Variants in NAALADL2 observed in about 807,000 individuals in gnomAD.
NAALADL2 encodes the protein N-acetylated alpha-linked acidic dipeptidase like 2.
NAALADL2 carries 76 observed loss-of-function variants against 87.2 expected under a neutral mutation model. That is an observed-to-expected ratio of 0.87 (90% CI 0.72 to 1.05). The LOEUF is 1.05. Ranked by LOEUF, NAALADL2 falls within the 50% of genes least tolerant of loss-of-function variation. The pLI is 0.00. For synonymous variants in NAALADL2, 354 were observed against 331.0 expected, an observed-to-expected ratio of 1.07 and a Z score of -0.75; for missense variants, 1,089 against 945.8, an observed-to-expected ratio of 1.15 and a Z score of -1.99.
intron 1 of NAALADL2, among the ~76,000 whole-genome samples, chr3:174,478,518 C>T (rs1379742867): frequency 2.0e-5 from 3 of 151,900 alleles, no homozygotes; most frequent in African/African-American, 7.3e-5. Flanking sequence ...ATTTCTCCCC[C>T]TAATTCTATA....
At chr3:175,112,982 A>C (rs1256668293) in intron 2 of NAALADL2, among the ~76,000 whole-genome samples, 1 of 151,674 alleles carries the variant, frequency 6.6e-6, no homozygotes, top group Non-Finnish European at 1.5e-5. Flanking sequence ...CATGGAGGTA[A>C]GAAAGCACAG....
intron 13 of NAALADL2, among the ~76,000 whole-genome samples, chr3:175,778,690 GGT>G (rs1343566830): frequency 6.6e-6 from 1 of 152,116 alleles, no homozygotes; most frequent in Non-Finnish European, 1.5e-5. Flanking sequence ...AAAAACTCTA[GGT>G]TGTAAGGACT....
intron 1 of NAALADL2, among the ~76,000 whole-genome samples, chr3:174,460,959 C>A (rs2108291561): frequency 6.6e-6 from 1 of 152,062 alleles, no homozygotes; most frequent in East Asian, 1.9e-4. Context: ...ATCTGAAAAA[C>A]CCCTTGTTCC....
intron 2 of NAALADL2, among the ~76,000 whole-genome samples, chr3:175,168,097 G>A (rs1734247312): frequency 6.6e-6 from 1 of 151,816 alleles, no homozygotes; most frequent in Non-Finnish European, 1.5e-5. Context: ...ATATGTGGGG[G>A]AAACAAGGTT....
chr3:175,704,282 TC>T (rs1739371653), intron 11 of NAALADL2, among the ~76,000 whole-genome samples: 1 of 152,150 alleles, frequency 6.6e-6, no homozygotes, highest in African/African-American at 2.4e-5. Flanking sequence ...GCTTCCTTTT[TC>T]CTCTGTCATT....
intron 13 of NAALADL2, among the ~76,000 whole-genome samples, chr3:175,780,604 A>G (rs1479318676): frequency 2.6e-5 from 4 of 152,196 alleles, no homozygotes; most frequent in Non-Finnish European, 5.9e-5. Context: ...GTTTATCCTC[A>G]AAGCCTTTAT....
At chr3:174,998,038 G>A (rs1747755453) in intron 1 of NAALADL2, among the ~76,000 whole-genome samples, 1 of 152,112 alleles carries the variant, frequency 6.6e-6, no homozygotes, top group Non-Finnish European at 1.5e-5. Context: ...GCATTATCCT[G>A]ACACTTCTTT....
intron 3 of NAALADL2, among the ~76,000 whole-genome samples, chr3:174,751,584 G>A (rs1478017122): frequency 1.3e-5 from 2 of 150,802 alleles, no homozygotes; most frequent in African/African-American, 4.9e-5. Flanking sequence ...AATTGCTTGA[G>A]CCCGGGAGAC....
At chr3:174,836,178 A>G (rs1021713514) in intron 3 of NAALADL2, among the ~76,000 whole-genome samples, 1 of 152,212 alleles carries the variant, frequency 6.6e-6, no homozygotes, top group African/African-American at 2.4e-5. Context: ...ATTCTGAAAC[A>G]TGCTGCAACA....
intron 5 of NAALADL2, among the ~76,000 whole-genome samples, chr3:175,444,778 G>C (rs1720420754): frequency 6.6e-6 from 1 of 152,100 alleles, no homozygotes; most frequent in Admixed American, 6.6e-5. Flanking sequence ...CTATATAAGG[G>C]AGCAATGAAA....
intron 7 of NAALADL2, 130 bp downstream of exon 7, chr3:175,463,623 G>T: frequency 2.3e-6 from 1 of 439,608 alleles, no homozygotes; most frequent in Non-Finnish European, 3.9e-6. Flanking sequence ...CACTCTTAGA[G>T]TAGATAAATT....
At chr3:175,611,389 GT>G (rs1329896635) in intron 10 of NAALADL2, among the ~76,000 whole-genome samples, 6 of 152,036 alleles carry the variant, frequency 3.9e-5, no homozygotes, top group Admixed American at 2.6e-4. Flanking sequence ...AAAAGAAACA[GT>G]TTTTCTATTT....
At chr3:174,649,931 A>G (rs2108752604) in intron 2 of NAALADL2, among the ~76,000 whole-genome samples, 1 of 152,256 alleles carries the variant, frequency 6.6e-6, no homozygotes, top group African/African-American at 2.4e-5. Flanking sequence ...ACAACAAAGC[A>G]TTTCTTGCAC....
At chr3:175,173,289 T>G (rs1735138945) in intron 2 of NAALADL2, among the ~76,000 whole-genome samples, 1 of 127,822 alleles carries the variant, frequency 7.8e-6, no homozygotes, top group African/African-American at 3.0e-5. Context: ...GAGACTCCGT[T>G]TCAAAATAAA....
rs1738301651 is a variant in NAALADL2 at position 175,698,313 on chromosome 3, G to GTATGTGTACATATA, written c.1897-38985_1897-38984insCATATATATGTGTA. On this transcript the variant is annotated intron_variant, in intron 11 of 13. Transcript: ENST00000454872. ...TGTATACATATATATGTGTATATAT[G>GTATGTGTACATATA]TATGTGTATTTATGTATGTGTATAT... Among the ~76,000 whole-genome samples the GTATGTGTACATATA allele has an allele frequency of 2.4e-4, 21 of 88,914 alleles. 2 individuals are homozygous for GTATGTGTACATATA. Among genetic ancestry groups the GTATGTGTACATATA allele is most frequent in the Non-Finnish European group, 1.3e-4 (6 of 47,792 alleles). The allele number at this position is 88,914 out of a possible 152,430, so 58.3% of individuals were successfully genotyped here. A position where few individuals can be genotyped will look rare whatever the true frequency, so the allele number is the denominator to read the frequency against.
At chr3:174,697,129 C>T (rs975372811) in intron 2 of NAALADL2, among the ~76,000 whole-genome samples, 53 of 152,014 alleles carry the variant, frequency 3.5e-4, no homozygotes, top group Admixed American at 4.6e-4. Context: ...TAAAAAAATA[C>T]GCATAGAAAA....
In NAALADL2 at chr3:175,262,473, T is replaced by A. The variant is rs540227357; in HGVS notation, c.939+5943T>A. On this transcript the variant is annotated intron_variant, in intron 4 of 13. Coordinates refer to ENST00000454872, the MANE Select transcript of NAALADL2 (RefSeq NM_207015.3). Reference sequence around the variant, plus strand: ...TTTTGTTTCCCAAAAATAAAATCTGTAGATGCATTTAATTAGTTAGCCTTA... The same window carrying A: ...TTTTGTTTCCCAAAAATAAAATCTGAAGATGCATTTAATTAGTTAGCCTTA... Among the ~76,000 whole-genome samples the A allele has an allele frequency of 6.1e-3, 931 of 152,074 alleles. 9 individuals are homozygous for A. The highest frequency in any genetic ancestry group is 0.021 in the African/African-American group (887 of 41,514).
At chr3:175,167,499 G>A (rs1206569453) in intron 2 of NAALADL2, among the ~76,000 whole-genome samples, 5 of 151,998 alleles carry the variant, frequency 3.3e-5, no homozygotes, top group African/African-American at 7.2e-5. Flanking sequence ...TTTCTTAAGC[G>A]TGTGCAGGAC....
At chr3:175,411,286 G>A (rs998352373) in intron 5 of NAALADL2, among the ~76,000 whole-genome samples, 2 of 152,144 alleles carry the variant, frequency 1.3e-5, no homozygotes, top group Non-Finnish European at 2.9e-5. Flanking sequence ...GCAGGAAGTA[G>A]AGCAGCTTTG....
Sources: allele counts gnomAD v4.1 joint callset (sites outside exome capture counted in the v4.1 genomes callset), GRCh38; gene constraint gnomAD v4.1.1; transcripts MANE v1.5; gene names NCBI Gene and HGNC (gene_info 2026-07-23, HGNC 2026-07-21).